PALM2AKAP2: variants seen among roughly 807,000 people sequenced by gnomAD.
PALM2AKAP2 encodes PALM2-AKAP2 fusion protein.
Under a neutral mutation model 71.5 loss-of-function variants are expected in PALM2AKAP2, and 37 were observed. That is an observed-to-expected ratio of 0.52 (90% CI 0.40 to 0.68). PALM2AKAP2 has a LOEUF of 0.68. Ranked by LOEUF, PALM2AKAP2 falls within the 30% of genes least tolerant of loss-of-function variation. The probability of loss-of-function intolerance (pLI) is 0.00; values close to 1 mark genes in which losing one functional copy is unlikely to be tolerated. For missense variants in PALM2AKAP2, 1,224 were observed against 1,191.8 expected (o/e 1.03, Z -0.40); for synonymous variants, 468 against 478.8 (o/e 0.98, Z 0.29).
intron 1 of PALM2AKAP2, among the ~76,000 whole-genome samples, chr9:109,645,618 G>C (rs1827140123): frequency 6.6e-6 from 1 of 151,610 alleles, no homozygotes; most frequent in Non-Finnish European, 1.5e-5. Flanking sequence ...GGATGGAGCT[G>C]GATGCCATTA....
intron 1 of PALM2AKAP2, among the ~76,000 whole-genome samples, chr9:110,064,551 G>C (rs577449991): frequency 6.6e-6 from 1 of 152,228 alleles, no homozygotes; most frequent in Non-Finnish European, 1.5e-5. Flanking sequence ...AGCCTGTGTA[G>C]TTAGTGGTAT....
chr9:110,068,288 A>G (rs894319003), intron 1 of PALM2AKAP2, among the ~76,000 whole-genome samples: 2 of 149,836 alleles, frequency 1.3e-5, no homozygotes, highest in Non-Finnish European at 2.9e-5. Context: ...TGTTTTCCTG[A>G]TGAGGCTTCT....
chr9:110,144,315 C>T (rs1836108045), intron 2 of PALM2AKAP2, among the ~76,000 whole-genome samples: 1 of 152,228 alleles, frequency 6.6e-6, no homozygotes, highest in Admixed American at 6.5e-5. Context: ...GTGAAGCTAG[C>T]TAAAGCTTAT....
chr9:110,045,535 A>G (rs908197456), upstream of PALM2AKAP2, among the ~76,000 whole-genome samples: 10 of 152,040 alleles, frequency 6.6e-5, no homozygotes, highest in African/African-American at 1.9e-4. Context: ...ATTCTGATTC[A>G]ATAAAGGTGG....
At chr9:109,890,834 T>G (rs1830072430) in intron 3 of PALM2AKAP2, among the ~76,000 whole-genome samples, 1 of 152,236 alleles carries the variant, frequency 6.6e-6, no homozygotes, top group Admixed American at 6.5e-5. Context: ...ACCAGTGTGC[T>G]TCCTGCAGAA....
intron 1 of PALM2AKAP2, among the ~76,000 whole-genome samples, chr9:110,058,902 T>G (rs888074046): frequency 6.9e-6 from 1 of 144,218 alleles, no homozygotes; most frequent in East Asian, 2.0e-4. Context: ...TTTTTGGTTT[T>G]TTTTTTTTTT....
chr9:110,042,033 G>A (rs1480611762), intron 7 of PALM2AKAP2, among the ~76,000 whole-genome samples: 1 of 152,194 alleles, frequency 6.6e-6, no homozygotes, highest in Non-Finnish European at 1.5e-5. Context: ...TTAGAAGGGT[G>A]TTTTTAATTG....
At chr9:109,849,490 G>C (rs1340492335) in intron 1 of PALM2AKAP2, among the ~76,000 whole-genome samples, 1 of 152,208 alleles carries the variant, frequency 6.6e-6, no homozygotes, top group Non-Finnish European at 1.5e-5. Flanking sequence ...GCTCACACCT[G>C]TAATCCCAGC....
intron 1 of PALM2AKAP2, among the ~76,000 whole-genome samples, chr9:109,700,574 C>T (rs932387089): frequency 2.0e-5 from 3 of 152,102 alleles, no homozygotes; most frequent in Admixed American, 6.5e-5. Context: ...TTCTTATGTC[C>T]TTCTGAATAC....
At chr9:109,961,992 C>T (rs142067287) in intron 6 of PALM2AKAP2, among the ~76,000 whole-genome samples, 13 of 152,336 alleles carry the variant, frequency 8.5e-5, no homozygotes, top group African/African-American at 3.1e-4. Flanking sequence ...GAATTCCCTA[C>T]TAAGTTTTCA....
intron 6 of PALM2AKAP2, among the ~76,000 whole-genome samples, chr9:109,969,308 G>C (rs748035545): frequency 6.6e-6 from 1 of 152,182 alleles, no homozygotes; most frequent in Non-Finnish European, 1.5e-5. Context: ...TCCTCACTCA[G>C]CCACTGTGAG....
chr9:109,662,631 T>C (rs2118460812), intron 1 of PALM2AKAP2, among the ~76,000 whole-genome samples: 1 of 152,198 alleles, frequency 6.6e-6, no homozygotes, highest in Non-Finnish European at 1.5e-5. Context: ...AAATTCTCTT[T>C]TTTTTGTTGT....
At chr9:110,025,053 C>T in intron 7 of PALM2AKAP2, 1 of 1,168,100 alleles carries the variant, frequency 8.6e-7, no homozygotes, top group Non-Finnish European at 1.3e-6. Context: ...TTTCAGGAAG[C>T]TATCTCGGCT....
chr9:110,096,426 AATTT>A (rs71373967), intron 1 of PALM2AKAP2, among the ~76,000 whole-genome samples: 1 of 149,400 alleles, frequency 6.7e-6, no homozygotes. Flanking sequence ...ATTATGCCTG[AATTT>A]ATTTATTTAT....
chr9:110,137,210 G>C, exon 2 of PALM2AKAP2: 1 of 1,614,170 alleles, frequency 6.2e-7, no homozygotes, highest in Non-Finnish European at 8.5e-7. Context: ...AGATTTCTCT[G>C]CTGCTCGCAA....
At chr9:110,072,420 C>T (rs774141883) in intron 1 of PALM2AKAP2, among the ~76,000 whole-genome samples, 35 of 152,126 alleles carry the variant, frequency 2.3e-4, no homozygotes, top group Admixed American at 3.9e-4. Context: ...TTGGATCTTT[C>T]CAGAATCATG....
chr9:109,732,862 A>G (rs1828577427), intron 1 of PALM2AKAP2, among the ~76,000 whole-genome samples: 1 of 152,140 alleles, frequency 6.6e-6, no homozygotes, highest in African/African-American at 2.4e-5. Flanking sequence ...TCAGTGTTGA[A>G]GAGTGTTCCT....
chr9:110,022,819 A>G (rs1208053665), intron 7 of PALM2AKAP2, among the ~76,000 whole-genome samples: 2 of 151,918 alleles, frequency 1.3e-5, no homozygotes, highest in South Asian at 2.1e-4. Context: ...ATGAGTGAGA[A>G]CATGTGGTGT....
At position 110,138,014 on chromosome 9, in the gene PALM2AKAP2, A is replaced by G. The variant is rs536008729; in HGVS notation, c.2044A>G (p.Thr682Ala). 6 of 1,613,672 alleles carry G rather than the reference A, an allele frequency of 3.7e-6. No homozygotes were observed. In the African/African-American group the frequency reaches 6.7e-5, roughly 18 times the overall value. The stretch of plus-strand genomic sequence containing the variant: ...GCAGGTGGATAAAGCTGTGTCCAAA[A>G]CCAGCAGGGATGGAGCAGAGCAACA... The change falls in exon 2 of 4, where the codon ACC becomes GCC. Residue 682 changes from threonine to alanine, a missense_variant. Transcript: ENST00000374525.
Sources: allele counts gnomAD v4.1 joint callset (sites outside exome capture counted in the v4.1 genomes callset), GRCh38; gene constraint gnomAD v4.1.1; transcripts MANE v1.5; gene names NCBI Gene and HGNC (gene_info 2026-07-23, HGNC 2026-07-21).